PCLO: variants seen among roughly 807,000 people sequenced by gnomAD.
PCLO encodes protein piccolo.
PCLO carries 82 observed loss-of-function variants against 427.5 expected under a neutral mutation model. That is an observed-to-expected ratio of 0.19 (90% CI 0.16 to 0.23). The LOEUF (loss-of-function observed/expected upper bound fraction) is 0.23. Among genes scored for constraint, PCLO ranks in the 10% least tolerant of loss-of-function variants. The pLI is 1.00. For missense variants in PCLO, 6,239 were observed against 6,115.9 expected (o/e 1.02, Z -0.67); for synonymous variants, 2,357 against 2,155.4 (o/e 1.09, Z -2.59).
chr7:83,102,779 T>TA (rs1318137824), intron 3 of PCLO, among the ~76,000 whole-genome samples: 6 of 151,928 alleles, frequency 3.9e-5, no homozygotes, highest in Non-Finnish European at 8.8e-5. Flanking sequence ...TTTGCTTTCT[T>TA]AAAAAAATCC....
intron 3 of PCLO, among the ~76,000 whole-genome samples, chr7:83,107,400 T>C (rs1309265673): frequency 1.3e-5 from 2 of 152,136 alleles, no homozygotes; most frequent in Admixed American, 6.6e-5. Context: ...TTGTCAAATG[T>C]ACAAACTACA....
chr7:82,779,590 A>G (rs1790826260), intron 22 of PCLO, among the ~76,000 whole-genome samples: 1 of 152,122 alleles, frequency 6.6e-6, no homozygotes, highest in East Asian at 1.9e-4. Flanking sequence ...TATCGGTAAC[A>G]GAAAATCTTA....
At chr7:83,022,515 T>C (rs1283382554) in intron 3 of PCLO, among the ~76,000 whole-genome samples, 1 of 152,120 alleles carries the variant, frequency 6.6e-6, no homozygotes, top group Non-Finnish European at 1.5e-5. Context: ...TTGAAGACCA[T>C]AGGATTGTTT....
intron 3 of PCLO, among the ~76,000 whole-genome samples, chr7:83,031,558 A>G (rs944659145): frequency 6.6e-6 from 1 of 152,232 alleles, no homozygotes; most frequent in African/African-American, 2.4e-5. Flanking sequence ...GGGAAATGGT[A>G]AAATTAAGAT....
At chr7:82,960,638 T>C (rs189781884) in intron 4 of PCLO, among the ~76,000 whole-genome samples, 255 of 152,336 alleles carry the variant, frequency 1.7e-3, no homozygotes, top group Non-Finnish European at 2.8e-3. Flanking sequence ...AATGTGTATG[T>C]AATTTTCAAA....
At chr7:82,991,711 T>G (rs891088861) in intron 3 of PCLO, among the ~76,000 whole-genome samples, 3 of 152,132 alleles carry the variant, frequency 2.0e-5, no homozygotes, top group African/African-American at 7.2e-5. Flanking sequence ...CTGCTCATTT[T>G]GAAAACAGAT....
At chr7:83,092,463 T>C (rs1337428944) in intron 3 of PCLO, among the ~76,000 whole-genome samples, 2 of 152,210 alleles carry the variant, frequency 1.3e-5, no homozygotes, top group Admixed American at 6.5e-5. Flanking sequence ...AGAATTTATC[T>C]ACTTTTCTAC....
chr7:82,799,964 G>T (rs1421317317), intron 22 of PCLO, among the ~76,000 whole-genome samples: 1 of 152,020 alleles, frequency 6.6e-6, no homozygotes, highest in Non-Finnish European at 1.5e-5. Flanking sequence ...TAGTTTCCTG[G>T]TTGGACACAA....
intron 2 of PCLO, among the ~76,000 whole-genome samples, chr7:83,148,170 C>T (rs964055421): frequency 1.3e-5 from 2 of 152,114 alleles, no homozygotes; most frequent in Admixed American, 6.5e-5. Flanking sequence ...TTACCCTTGA[C>T]CCACAGCCTC....
intron 20 of PCLO, among the ~76,000 whole-genome samples, chr7:82,819,630 G>T (rs572595374): frequency 6.6e-6 from 1 of 152,204 alleles, no homozygotes; most frequent in African/African-American, 2.4e-5. Context: ...ACTGGGCTGA[G>T]TAACACATAT....
At chr7:83,098,346 T>C (rs1458208515) in intron 3 of PCLO, among the ~76,000 whole-genome samples, 3 of 152,168 alleles carry the variant, frequency 2.0e-5, no homozygotes, top group African/African-American at 7.2e-5. Flanking sequence ...ATCATATTTA[T>C]TAGTGTATTG....
At chr7:82,947,037 T>C (rs1795219869) in intron 6 of PCLO, among the ~76,000 whole-genome samples, 1 of 152,176 alleles carries the variant, frequency 6.6e-6, no homozygotes, top group South Asian at 2.1e-4. Context: ...TCTGATTGTA[T>C]TTACAGTAAA....
chr7:82,834,857 G>C (rs1792186921), intron 16 of PCLO, among the ~76,000 whole-genome samples: 1 of 152,112 alleles, frequency 6.6e-6, no homozygotes, highest in South Asian at 2.1e-4. Flanking sequence ...ACATTGCATA[G>C]CAGAAATTTT....
intron 10 of PCLO, chr7:82,848,969 A>T (rs1234453919): frequency 2.9e-6 from 1 of 345,676 alleles, no homozygotes; most frequent in Admixed American, 3.5e-5. Context: ...CAGTGACAAC[A>T]ACACTAAATA....
At chr7:82,963,319 C>A (rs1027885774) in intron 4 of PCLO, among the ~76,000 whole-genome samples, 1 of 152,020 alleles carries the variant, frequency 6.6e-6, no homozygotes. Context: ...GTTTTAAAAT[C>A]ATTTGTTGAA....
chr7:82,951,935 G>GA lies in PCLO; in HGVS notation c.9017dup (p.Tyr3007LeufsTer2). ...AATCAAAAGCATTCTTACTTTTATA[G>GA]AAAAAATGTCCAGCTTCTGCTAAAT... On this transcript the variant is annotated frameshift_variant, in exon 5 of 25. Coordinates refer to ENST00000333891, the MANE Select transcript of PCLO (RefSeq NM_033026.6). LOFTEE classifies it high-confidence loss of function. 6.2e-7 allele frequency: 1 copy of GA among 1,613,816 alleles called. No individual in the cohort carries two copies. The highest frequency in any genetic ancestry group is 8.5e-7 in the Non-Finnish European group (1 of 1,179,818).
At chr7:83,024,650 G>A (rs2116084648) in intron 3 of PCLO, among the ~76,000 whole-genome samples, 1 of 152,344 alleles carries the variant, frequency 6.6e-6, no homozygotes, top group East Asian at 1.9e-4. Context: ...ACCTCTGGGG[G>A]CAGGACACAG....
At chr7:82,905,623 C>T (rs559516084) in intron 8 of PCLO, among the ~76,000 whole-genome samples, 1 of 152,076 alleles carries the variant, frequency 6.6e-6, no homozygotes, top group African/African-American at 2.4e-5. Context: ...GGGGAGTCTT[C>T]TTGCATCATG....
At chr7:82,990,664 A>C (rs1445068949) in intron 3 of PCLO, among the ~76,000 whole-genome samples, 1 of 152,178 alleles carries the variant, frequency 6.6e-6, no homozygotes, top group Non-Finnish European at 1.5e-5. Context: ...ATTTAACAAA[A>C]ACTTTATTTT....
Sources: allele counts gnomAD v4.1 joint callset (sites outside exome capture counted in the v4.1 genomes callset), GRCh38; gene constraint gnomAD v4.1.1; transcripts MANE v1.5; gene names NCBI Gene and HGNC (gene_info 2026-07-23, HGNC 2026-07-21).